The following ZNF573 variants were observed in gnomAD, a reference collection of about 807,000 sequenced individuals.
The protein encoded by ZNF573 is zinc finger protein 573.
In ZNF573, 41 loss-of-function variants were observed where a neutral mutation model predicts 57.4. That is an observed-to-expected ratio of 0.71 (90% CI 0.56 to 0.93). The LOEUF (loss-of-function observed/expected upper bound fraction) is 0.93, where lower values mean the gene tolerates loss of function less well. Among genes scored for constraint, ZNF573 ranks in the 40% least tolerant of loss-of-function variants. The pLI, the probability that ZNF573 is intolerant of heterozygous loss-of-function variation, is 0.00. For synonymous variants in ZNF573, 249 were observed against 261.0 expected, an observed-to-expected ratio of 0.95 and a Z score of 0.44; for missense variants, 730 against 794.8, an observed-to-expected ratio of 0.92 and a Z score of 0.98.
intron 4 of ZNF573, among the ~76,000 whole-genome samples, chr19:37,767,599 TCTGA>T (rs1439580314): frequency 6.6e-6 from 1 of 152,168 alleles, no homozygotes; most frequent in Non-Finnish European, 1.5e-5. Context: ...TTGCTGGCTC[TCTGA>T]AATAAAGTTC....
intron 4 of ZNF573, among the ~76,000 whole-genome samples, chr19:37,763,091 CA>C (rs2045567873): frequency 6.6e-6 from 1 of 151,794 alleles, no homozygotes; most frequent in South Asian, 2.1e-4. Context: ...CTTCTTAAGT[CA>C]GGGGAGGCCC....
Position 37,758,202 on chromosome 19 carries a change from AATATATATATATATATATATAT to A in ZNF573, c.295+11781_295+11802del, listed in dbSNP as rs550290940. On this transcript the variant is annotated intron_variant, in intron 4 of 4. Transcript: ENST00000536220. ...TACCCTAGAACTTAAAGTATAATAAAATATATATATATATATATATATATATATATATATATATATATATATA... is the reference window on the plus strand; with the variant it reads ...TACCCTAGAACTTAAAGTATAATAAAATATATATATATATATATATATATA... Among the ~76,000 whole-genome samples the A allele has an allele frequency of 1.7e-3, 29 of 17,186 alleles. 1 individual carries two copies. Among genetic ancestry groups the A allele is most frequent in the Admixed American group, 5.6e-3 (7 of 1,240 alleles). The allele number at this position is 17,186 out of a possible 152,430, so 11.3% of individuals were successfully genotyped here.
intron 4 of ZNF573, among the ~76,000 whole-genome samples, chr19:37,747,935 C>G (rs1307231535): frequency 3.3e-5 from 5 of 152,178 alleles, no homozygotes; most frequent in African/African-American, 1.2e-4. Flanking sequence ...ATCCACCTGC[C>G]TCGGCCTCCC....
Position 37,738,461 on chromosome 19 carries a change from G to T in ZNF573, c.*31C>A. On this transcript the variant is annotated 3_prime_UTR_variant, in exon 5 of 5. Coordinates refer to ENST00000536220, the MANE Select transcript of ZNF573 (RefSeq NM_001172690.2). ...TTCTCACCAGTGTGGGCTGTCTGAT[G>T]ATGAATGGCGCGCTCGTACTCTTTA... 1 of 1,498,412 alleles carries T rather than the reference G, an allele frequency of 6.7e-7. No homozygotes were observed. The highest frequency in any genetic ancestry group is 8.9e-7 in the Non-Finnish European group (1 of 1,124,826). The allele number at this position is 1,498,412 out of a possible 1,614,324, so 92.8% of individuals were successfully genotyped here.
At chr19:37,762,089 T>A (rs543044767) in intron 4 of ZNF573, among the ~76,000 whole-genome samples, 120 of 152,360 alleles carry the variant, frequency 7.9e-4, no homozygotes, top group African/African-American at 2.8e-3. Flanking sequence ...CCTCATGTGA[T>A]ACAATGGGAA....
chr19:37,742,415 G>A (rs1056890303), intron 4 of ZNF573, among the ~76,000 whole-genome samples: 2 of 152,154 alleles, frequency 1.3e-5, no homozygotes, highest in African/African-American at 4.8e-5. Flanking sequence ...CATGCTACCT[G>A]ACTTCAAACT....
intron 4 of ZNF573, among the ~76,000 whole-genome samples, chr19:37,762,031 A>G (rs572362453): frequency 6.6e-6 from 1 of 152,332 alleles, no homozygotes; most frequent in South Asian, 2.1e-4. Flanking sequence ...TTCTTATTTC[A>G]CCAAATTATA....
chr19:37,776,464 A>G (rs1445272592), intron 1 of ZNF573, among the ~76,000 whole-genome samples: 2 of 152,234 alleles, frequency 1.3e-5, no homozygotes, highest in Non-Finnish European at 2.9e-5. Context: ...TTCATCTCTC[A>G]CCTTAGAGAA....
At chr19:37,776,905 C>T (rs977894034) in intron 1 of ZNF573, among the ~76,000 whole-genome samples, 7 of 152,162 alleles carry the variant, frequency 4.6e-5, no homozygotes, top group African/African-American at 1.7e-4. Context: ...CACTAATGAT[C>T]AGGAAAATGC....
chr19:37,752,615 T>C (rs961061245), intron 4 of ZNF573, among the ~76,000 whole-genome samples: 1 of 151,988 alleles, frequency 6.6e-6, no homozygotes, highest in Non-Finnish European at 1.5e-5. Flanking sequence ...AGGGAATGAC[T>C]GGCAATGTGT....
At chr19:37,755,081 T>C (rs1329511901) in intron 4 of ZNF573, 2 of 152,232 alleles carry the variant, frequency 1.3e-5, no homozygotes, top group African/African-American at 4.8e-5. Context: ...GCCATTCTCC[T>C]GCCTCAGCCT....
At position 37,739,760 on chromosome 19, in the gene ZNF573, T is replaced by A. The variant is rs777611387; in HGVS notation, c.730A>T (p.Lys244Ter). ...CCACACTCCTGACATTCATACGGCT[T>A]CCCACCAGTGTGAATTCTCTCATGT... ...VQHERIHTGG[K>*]PYECQECGRA... Residue 244 changes from lysine to a stop codon, truncating the protein, a stop_gained, in exon 5 of 5, where the codon AAG becomes TAG. Coordinates refer to ENST00000536220, the MANE Select transcript of ZNF573 (RefSeq NM_001172690.2). LOFTEE classifies it high-confidence loss of function. The A allele has an allele frequency of 1.2e-5, 19 of 1,614,108 alleles. No individual in the cohort carries two copies. In the South Asian group the frequency reaches 2.1e-4, roughly 18 times the overall value.
chr19:37,764,317 T>G (rs564971781), intron 4 of ZNF573, among the ~76,000 whole-genome samples: 1 of 151,360 alleles, frequency 6.6e-6, no homozygotes, highest in East Asian at 1.9e-4. Flanking sequence ...TTTTGTTTTT[T>G]TTTTTTGTTG....
intron 4 of ZNF573, among the ~76,000 whole-genome samples, chr19:37,766,918 G>A (rs1249658834): frequency 6.6e-6 from 1 of 152,148 alleles, no homozygotes; most frequent in African/African-American, 2.4e-5. Context: ...ACAAGCTAAT[G>A]GCGTTTGCTC....
At chr19:37,748,511 T>TA (rs373578253) in intron 4 of ZNF573, among the ~76,000 whole-genome samples, 94 of 152,342 alleles carry the variant, frequency 6.2e-4, no homozygotes, top group Non-Finnish European at 1.2e-3. Context: ...TGTTTAATCT[T>TA]ACTCTAATCA....
chr19:37,748,635 A>G (rs1217873521), intron 4 of ZNF573, among the ~76,000 whole-genome samples: 2 of 152,090 alleles, frequency 1.3e-5, no homozygotes, highest in African/African-American at 4.8e-5. Context: ...CCAAGATAAA[A>G]AGCCTAAGAC....
chr19:37,743,405 T>A (rs566869959), intron 4 of ZNF573, among the ~76,000 whole-genome samples: 1 of 150,262 alleles, frequency 6.7e-6, no homozygotes, highest in Admixed American at 6.6e-5. Flanking sequence ...TCATCAGAGA[T>A]CATCAGAGAA....
In ZNF573 at chr19:37,740,916, T is replaced by C. The variant is rs116906018; in HGVS notation, c.296-722A>G. Among the ~76,000 whole-genome samples, 229 of 152,340 alleles carry C rather than the reference T, an allele frequency of 1.5e-3. 2 individuals are homozygous for C. In the East Asian group the frequency reaches 0.021, roughly 14 times the overall value. ...AATACCCAATACAATGTAAATGCTATGTGAATAGCTGTTCTACTGTTGCTT... is the reference window on the plus strand; with the variant it reads ...AATACCCAATACAATGTAAATGCTACGTGAATAGCTGTTCTACTGTTGCTT... On this transcript the variant is annotated intron_variant, in intron 4 of 4. Coordinates refer to ENST00000536220, the MANE Select transcript of ZNF573 (RefSeq NM_001172690.2).
At chr19:37,750,355 A>T (rs778424765) in intron 4 of ZNF573, among the ~76,000 whole-genome samples, 3 of 152,176 alleles carry the variant, frequency 2.0e-5, no homozygotes, top group Non-Finnish European at 4.4e-5. Flanking sequence ...AAGTGCTGGG[A>T]TTACAGGCAT....
Sources: gnomAD v4.1 joint callset for allele counts (sites outside exome capture counted in the v4.1 genomes callset) on GRCh38, gnomAD v4.1.1 for gene constraint, MANE v1.5 for transcripts, NCBI Gene and HGNC (gene_info 2026-07-23, HGNC 2026-07-21) for gene names.